The following ZSCAN2 variants were observed in gnomAD, a reference collection of about 807,000 sequenced individuals.
The protein encoded by ZSCAN2 is zinc finger and SCAN domain containing 2.
ZSCAN2 carries 26 observed loss-of-function variants against 47.8 expected under a neutral mutation model. The observed-to-expected ratio is 0.54, with a 90% CI of 0.40 to 0.75. The LOEUF is 0.75. ZSCAN2 is among the 30% of genes least tolerant of loss of function. The pLI is 0.00. For missense variants in ZSCAN2, 732 were observed against 785.4 expected, an observed-to-expected ratio of 0.93 and a Z score of 0.81; for synonymous variants, 305 against 288.7, an observed-to-expected ratio of 1.06 and a Z score of -0.57.
At position 84,622,401 on chromosome 15, in the gene ZSCAN2, G is replaced by T; in HGVS notation, c.*361G>T. On this transcript the variant is annotated 3_prime_UTR_variant, in exon 3 of 3. Coordinates refer to ENST00000546148, the MANE Select transcript of ZSCAN2 (RefSeq NM_181877.4). ...GAAGACAGCATGGCCCACAACGTGG[G>T]CCGAGTCCTCAGAGAAATACTGGAA... The T allele has an allele frequency of 3.4e-6, 2 of 587,498 alleles. No homozygotes were observed. Among genetic ancestry groups the T allele is most frequent in the Non-Finnish European group, 6.1e-6 (2 of 325,494 alleles). 36.4% of individuals were successfully genotyped at this position (587,498 alleles called of 1,614,324 possible).
chr15:84,607,275 C>T (rs1204926128), intron 2 of ZSCAN2, among the ~76,000 whole-genome samples: 1 of 152,102 alleles, frequency 6.6e-6, no homozygotes, highest in Non-Finnish European at 1.5e-5. Flanking sequence ...GCCCCTTCAT[C>T]CCAGCTCTTC....
At chr15:84,617,891 G>A (rs987083898) in intron 2 of ZSCAN2, among the ~76,000 whole-genome samples, 1 of 152,110 alleles carries the variant, frequency 6.6e-6, no homozygotes, top group Non-Finnish European at 1.5e-5. Flanking sequence ...AGTGAGCTGC[G>A]ATCTCGCTAC....
In ZSCAN2 at chr15:84,622,822, A is replaced by C. The variant is rs896923318; in HGVS notation, c.*782A>C. 1.4e-5 allele frequency: 9 copies of C among 632,406 alleles called. No individual in the cohort carries two copies. Among genetic ancestry groups the C allele is most frequent in the Non-Finnish European group, 2.6e-5 (9 of 346,634 alleles). 39.2% of individuals were successfully genotyped at this position (632,406 alleles called of 1,614,324 possible). On this transcript the variant is annotated 3_prime_UTR_variant, in exon 3 of 3. Coordinates refer to ENST00000546148, the MANE Select transcript of ZSCAN2 (RefSeq NM_181877.4). ...GGTAGATCAGCTACCAGGGGAACAC[A>C]TTTGTTCTCGTGGGGTTTTGTCCTG...
At position 84,621,670 on chromosome 15, in the gene ZSCAN2, A is replaced by G. The variant is rs1468985030; in HGVS notation, c.1475A>G (p.His492Arg). The change falls in exon 3 of 3, where the codon CAC becomes CGC. Residue 492 changes from histidine to arginine, a missense_variant. His to Arg is a conservative substitution (Grantham distance 29). This residue lies in a region of ZSCAN2 where 412 missense variants were observed against 498.0 expected (regional missense o/e 0.83). Coordinates refer to ENST00000546148, the MANE Select transcript of ZSCAN2 (RefSeq NM_181877.4). This position sits in a 1 kb window ranked among gnomAD's most constrained non-coding sequence, Gnocchi z 5.7. The stretch of plus-strand genomic sequence containing the variant: ...AGCTGGAGCTCCAACCTCCTCAAGC[A>G]CCAGAGGATCCACACGGGAGAGAAA... ...SFSWSSNLLK[H>R]QRIHTGEKPY... is the part of the protein sequence containing the mutation. 6.2e-7 allele frequency: 1 copy of G among 1,613,846 alleles called. No homozygotes were observed. Among genetic ancestry groups the G allele is most frequent in the Non-Finnish European group, 8.5e-7 (1 of 1,179,976 alleles).
chr15:84,607,589 A>G (rs1008765367), intron 2 of ZSCAN2, among the ~76,000 whole-genome samples: 5 of 151,720 alleles, frequency 3.3e-5, no homozygotes, highest in Admixed American at 6.6e-5. Context: ...GCTCACTGCA[A>G]CCTCCACCTC....
rs548556091 is a variant in ZSCAN2 at position 84,622,787 on chromosome 15, A to G, written c.*747A>G. On this transcript the variant is annotated 3_prime_UTR_variant, in exon 3 of 3. Transcript: ENST00000546148. Reference sequence around the variant, plus strand: ...TCAGTGCTTGCTTTTGTCTCTGCCTACTGTCCTGTGGTAGATCAGCTACCA... The same window carrying G: ...TCAGTGCTTGCTTTTGTCTCTGCCTGCTGTCCTGTGGTAGATCAGCTACCA... 6.0e-5 allele frequency: 41 copies of G among 683,030 alleles called. No individual in the cohort carries two copies. In the African/African-American group the frequency reaches 6.9e-4, roughly 12 times the overall value. The allele number at this position is 683,030 out of a possible 1,614,324, so 42.3% of individuals were successfully genotyped here. A position where few individuals can be genotyped will look rare whatever the true frequency, so the allele number is the denominator to read the frequency against.
At chr15:84,616,602 T>G in intron 2 of ZSCAN2, 1 of 1,232,276 alleles carries the variant, frequency 8.1e-7, no homozygotes, top group Non-Finnish European at 1.0e-6. Flanking sequence ...AAAATTGGAT[T>G]TTACTTGTTT....
At chr15:84,604,738 CTTTTTTTT>C (rs11459006) in intron 2 of ZSCAN2, among the ~76,000 whole-genome samples, 1 of 129,026 alleles carries the variant, frequency 7.8e-6, no homozygotes, top group Non-Finnish European at 1.6e-5. Flanking sequence ...TTTCTTTTTT[CTTTTTTTT>C]TTTTTTTTTG....
intron 2 of ZSCAN2, chr15:84,616,412 C>T (rs1018558242): frequency 1.8e-5 from 29 of 1,592,386 alleles, no homozygotes; most frequent in African/African-American, 2.7e-5. Flanking sequence ...CCCCAGTTCC[C>T]AAACACAGGA....
intron 2 of ZSCAN2, among the ~76,000 whole-genome samples, chr15:84,619,322 C>T (rs7180956): frequency 0.57 from 86,387 of 151,070 alleles, 24,730 homozygotes; most frequent in East Asian, 0.8. Flanking sequence ...CCCAGCTACT[C>T]GGGAGGCTGA....
At chr15:84,607,509 G>T (rs1895418709) in intron 2 of ZSCAN2, among the ~76,000 whole-genome samples, 1 of 151,038 alleles carries the variant, frequency 6.6e-6, no homozygotes, top group Admixed American at 6.6e-5. Flanking sequence ...CTGTGCTTTT[G>T]TTTTTGTTTT....
At chr15:84,606,676 G>T in intron 2 of ZSCAN2, 1 of 1,568,550 alleles carries the variant, frequency 6.4e-7, no homozygotes, top group Non-Finnish European at 8.6e-7. Context: ...ACAGAGCAGA[G>T]GTTCAGGTCT....
Position 84,622,974 on chromosome 15 carries a change from T to C in ZSCAN2, c.*934T>C. ...TTGTGCCTTTGGCCCAACAGGTACATAGCCCCATAATTTCTGAATTATTCT... is the reference window on the plus strand; with the variant it reads ...TTGTGCCTTTGGCCCAACAGGTACACAGCCCCATAATTTCTGAATTATTCT... On this transcript the variant is annotated 3_prime_UTR_variant, in exon 3 of 3. Coordinates refer to ENST00000546148, the MANE Select transcript of ZSCAN2 (RefSeq NM_181877.4). 2.6e-6 allele frequency: 1 copy of C among 389,848 alleles called. No individual in the cohort carries two copies. Among genetic ancestry groups the C allele is most frequent in the South Asian group, 7.7e-5 (1 of 13,056 alleles). The allele number at this position is 389,848 out of a possible 1,614,324, so 24.1% of individuals were successfully genotyped here.
In ZSCAN2 at chr15:84,604,430, AGT is replaced by A. The variant is rs1895313560; in HGVS notation, c.406+99_406+100del. ...GAGGAGAAGGTGGTGTCCAAGGCAG[AGT>A]GGGGGGCTAGCGCCATCCCTCTGCT... On this transcript the variant is annotated intron_variant, in intron 2 of 2. Coordinates refer to ENST00000546148, the MANE Select transcript of ZSCAN2 (RefSeq NM_181877.4). 4.8e-6 allele frequency: 7 copies of A among 1,449,768 alleles called. No individual in the cohort carries two copies. In the East Asian group the frequency reaches 6.9e-5, roughly 14 times the overall value. 89.8% of individuals were successfully genotyped at this position (1,449,768 alleles called of 1,614,324 possible).
intron 2 of ZSCAN2, 91 bp from the exon 3 acceptor site, chr15:84,620,511 G>A: frequency 8.3e-7 from 1 of 1,210,028 alleles, no homozygotes; most frequent in East Asian, 2.3e-5. Context: ...TTCACTGGAA[G>A]TTTAATTTTT....
At chr15:84,602,668 A>G (rs2141753702) in intron 1 of ZSCAN2, among the ~76,000 whole-genome samples, 1 of 144,984 alleles carries the variant, frequency 6.9e-6, no homozygotes, top group Admixed American at 7.3e-5. Flanking sequence ...GGCTCACTGC[A>G]ACCTCCTCCT....
rs186070380 is a variant in ZSCAN2 at position 84,609,063 on chromosome 15, T to C, written c.406+4730T>C. Reference sequence around the variant, plus strand: ...ACCTCTCCAGCCATCCTCAGCATCATCTGGCTTTCAGCCATCAGAGGCAAC... The same window carrying C: ...ACCTCTCCAGCCATCCTCAGCATCACCTGGCTTTCAGCCATCAGAGGCAAC... On this transcript the variant is annotated intron_variant, in intron 2 of 2. Coordinates refer to ENST00000546148, the MANE Select transcript of ZSCAN2 (RefSeq NM_181877.4). Among the ~76,000 whole-genome samples, 78 of 152,316 alleles carry C rather than the reference T, an allele frequency of 5.1e-4. 1 individual carries two copies. In the Middle Eastern group the frequency reaches 0.034, roughly 66 times the overall value.
intron 2 of ZSCAN2, among the ~76,000 whole-genome samples, chr15:84,609,551 G>A (rs967011403): frequency 3.3e-5 from 5 of 152,080 alleles, no homozygotes; most frequent in East Asian, 1.9e-4. Flanking sequence ...CTTAGGGAGC[G>A]GTAACGTTAT....
At position 84,622,270 on chromosome 15, in the gene ZSCAN2, CT is replaced by C; in HGVS notation, c.*235del. The C allele has an allele frequency of 1.7e-6, 1 of 576,288 alleles. No homozygotes were observed. Among genetic ancestry groups the C allele is most frequent in the Non-Finnish European group, 3.1e-6 (1 of 319,498 alleles). The allele number at this position is 576,288 out of a possible 1,614,324, so 35.7% of individuals were successfully genotyped here. A position where few individuals can be genotyped will look rare whatever the true frequency, so the allele number is the denominator to read the frequency against. On this transcript the variant is annotated 3_prime_UTR_variant, in exon 3 of 3. Transcript: ENST00000546148. ...GCGTGGAAGGTCTGGAAAGTTGGGT[CT>C]TTTTCCCTTACATTGGGTGACTTGA...
Sources: gnomAD v4.1 joint callset for allele counts (sites outside exome capture counted in the v4.1 genomes callset) on GRCh38, gnomAD v4.1.1 for gene constraint, gnomAD v4.1.1 regional missense constraint, Gnocchi (gnomAD v3.1) non-coding constraint, MANE v1.5 for transcripts, NCBI Gene and HGNC (gene_info 2026-07-23, HGNC 2026-07-21) for gene names.